Variants in DUSP10 observed in about 807,000 individuals in gnomAD.
DUSP10 encodes the protein dual specificity phosphatase 10.
DUSP10 carries 14 observed loss-of-function variants against 30.8 expected under a neutral mutation model. The ratio of observed to expected loss-of-function variants is 0.46; its 90% CI spans 0.30 to 0.71. The LOEUF (loss-of-function observed/expected upper bound fraction) is 0.71. Among genes scored for constraint, DUSP10 ranks in the 30% least tolerant of loss-of-function variants. DUSP10 has a pLI of 0.08. For synonymous variants in DUSP10, 254 were observed against 250.4 expected, an observed-to-expected ratio of 1.01 and a Z score of -0.14; for missense variants, 550 against 619.4, an observed-to-expected ratio of 0.89 and a Z score of 1.19.
At chr1:221,731,685 T>G (rs1232782724) in intron 2 of DUSP10, among the ~76,000 whole-genome samples, 1 of 140,296 alleles carries the variant, frequency 7.1e-6, no homozygotes, top group African/African-American at 2.7e-5. Flanking sequence ...CTCGGCTCAC[T>G]CCAACCTCCA....
intron 1 of DUSP10, among the ~76,000 whole-genome samples, chr1:221,741,747 T>C (rs1368632288): frequency 1.3e-5 from 2 of 151,986 alleles, no homozygotes; most frequent in Non-Finnish European, 2.9e-5. Flanking sequence ...CCAAGTAGAC[T>C]GCAGGGAGTA....
chr1:221,736,379 C>T (rs753916224), intron 2 of DUSP10, among the ~76,000 whole-genome samples: 3 of 152,018 alleles, frequency 2.0e-5, no homozygotes, highest in Non-Finnish European at 2.9e-5. Flanking sequence ...TCTAACTATG[C>T]CCCCCTCCCA....
intron 1 of DUSP10, among the ~76,000 whole-genome samples, chr1:221,741,071 C>T (rs111918386): frequency 1.5e-3 from 227 of 152,310 alleles, no homozygotes; most frequent in African/African-American, 5.1e-3. Context: ...TTCTCTGACA[C>T]AGAACCAAAG....
At chr1:221,741,915 A>T (rs1253845751) in intron 1 of DUSP10, 66 bp downstream of exon 1, 2 of 152,184 alleles carry the variant, frequency 1.3e-5, no homozygotes, top group African/African-American at 4.8e-5. Context: ...TCACACAAGC[A>T]CCGCCTTACA....
chr1:221,722,050 T>C (rs1661293322), intron 2 of DUSP10, among the ~76,000 whole-genome samples: 1 of 152,180 alleles, frequency 6.6e-6, no homozygotes, highest in African/African-American at 2.4e-5. Flanking sequence ...AAATCAGTAA[T>C]TTGGAGTTCC....
intron 2 of DUSP10, among the ~76,000 whole-genome samples, chr1:221,716,883 A>G (rs1189988122): frequency 6.6e-6 from 1 of 152,230 alleles, no homozygotes; most frequent in East Asian, 1.9e-4. Flanking sequence ...CAGACATGCC[A>G]GTTACATTAA....
intron 1 of DUSP10, among the ~76,000 whole-genome samples, chr1:221,740,107 A>G (rs987509517): frequency 2.0e-5 from 3 of 152,216 alleles, no homozygotes; most frequent in Admixed American, 6.5e-5. Context: ...AGAAAAGCTG[A>G]AGACAGAAGG....
At chr1:221,734,756 C>A (rs1661712110) in intron 2 of DUSP10, among the ~76,000 whole-genome samples, 1 of 152,154 alleles carries the variant, frequency 6.6e-6, no homozygotes, top group African/African-American at 2.4e-5. Context: ...TCATTTGCTA[C>A]AAGGCTAATG....
intron 1 of DUSP10, among the ~76,000 whole-genome samples, chr1:221,740,698 G>T (rs1661927911): frequency 1.3e-5 from 2 of 152,222 alleles, no homozygotes; most frequent in South Asian, 4.1e-4. Flanking sequence ...CAGCCACGTT[G>T]TATAAGGTTT....
At chr1:221,740,429 C>T (rs958150386) in intron 1 of DUSP10, among the ~76,000 whole-genome samples, 3 of 152,258 alleles carry the variant, frequency 2.0e-5, no homozygotes, top group Admixed American at 1.3e-4. Flanking sequence ...TAAAACCTCA[C>T]ATGTTGTCTT....
chr1:221,731,900 C>A (rs1050590223), intron 2 of DUSP10, among the ~76,000 whole-genome samples: 1 of 151,914 alleles, frequency 6.6e-6, no homozygotes, highest in Non-Finnish European at 1.5e-5. Context: ...AGCCACCACA[C>A]CCGGCTGGCT....
chr1:221,705,985 G>A, intron 3 of DUSP10, 110 bp downstream of exon 3: 1 of 1,467,786 alleles, frequency 6.8e-7, no homozygotes, highest in Non-Finnish European at 9.1e-7. Flanking sequence ...CAAAACTCCA[G>A]GGCAGCTTTT....
intron 2 of DUSP10, among the ~76,000 whole-genome samples, chr1:221,730,490 C>A (rs778271391): frequency 1.3e-5 from 2 of 152,188 alleles, no homozygotes; most frequent in South Asian, 2.1e-4. Context: ...GGAAGAGTTG[C>A]GCTTTGTTTT....
chr1:221,729,626 A>G (rs924095073), intron 2 of DUSP10, among the ~76,000 whole-genome samples: 10 of 152,208 alleles, frequency 6.6e-5, no homozygotes, highest in African/African-American at 2.2e-4. Context: ...AATGCCCAGC[A>G]TCTAGAAAGC....
chr1:221,706,023 A>G lies in DUSP10; in HGVS notation c.1183+72T>C. ...TTTCCAACACAGGAATAAACCTTGA[A>G]CTTGATATCAAAGCAAGAGCTGGAG... On this transcript the variant is annotated intron_variant, in intron 3 of 3. Coordinates refer to ENST00000366899, the MANE Select transcript of DUSP10 (RefSeq NM_007207.6). This position sits in a 1 kb window ranked among gnomAD's most constrained non-coding sequence, Gnocchi z 4.6. 1 of 1,547,030 alleles carries G rather than the reference A, an allele frequency of 6.5e-7. No individual in the cohort carries two copies. The highest frequency in any genetic ancestry group is 2.2e-5 in the East Asian group (1 of 44,450).
At position 221,739,311 on chromosome 1, in the gene DUSP10, G is replaced by GCT; in HGVS notation, c.432_433dup (p.Ala145GlufsTer6). The GCT allele has an allele frequency of 6.2e-7, 1 of 1,614,014 alleles. No homozygotes were observed. The highest frequency in any genetic ancestry group is 2.2e-5 in the East Asian group (1 of 44,890). On this transcript the variant is annotated frameshift_variant, in exon 2 of 4. Transcript: ENST00000366899. LOFTEE classifies it high-confidence loss of function. ...ATTGGGGTAGATTATTTTGATGCTG[G>GCT]CTAGCTGCTTGGGGGTCCCTGACAC...
chr1:221,709,898 T>G (rs1341528773), intron 2 of DUSP10, among the ~76,000 whole-genome samples: 1 of 152,188 alleles, frequency 6.6e-6, no homozygotes, highest in Non-Finnish European at 1.5e-5. Context: ...GATGTTATGT[T>G]TATTACTATT....
chr1:221,740,287 A>G (rs2102659786), intron 1 of DUSP10, among the ~76,000 whole-genome samples: 1 of 152,384 alleles, frequency 6.6e-6, no homozygotes, highest in East Asian at 1.9e-4. Context: ...ACAGAAAGGT[A>G]CAGCAGCTAA....
chr1:221,731,191 G>A (rs965868301), intron 2 of DUSP10, among the ~76,000 whole-genome samples: 3 of 152,110 alleles, frequency 2.0e-5, no homozygotes, highest in Admixed American at 1.3e-4. Flanking sequence ...GGGAAATAAC[G>A]CAGGCTTCGT....
Sources: allele counts gnomAD v4.1 joint callset (sites outside exome capture counted in the v4.1 genomes callset), GRCh38; gene constraint gnomAD v4.1.1; non-coding constraint Gnocchi (gnomAD v3.1); transcripts MANE v1.5; gene names NCBI Gene and HGNC (gene_info 2026-07-23, HGNC 2026-07-21).